The following TNRC18 variants were observed in gnomAD, a reference collection of about 807,000 sequenced individuals.
The protein encoded by TNRC18 is trinucleotide repeat containing 18.
In TNRC18, 69 loss-of-function variants were observed where a neutral mutation model predicts 226.7. That is an observed-to-expected ratio of 0.30 (90% CI 0.25 to 0.37). The LOEUF is 0.37. TNRC18 is among the 10% of genes least tolerant of loss of function. The pLI is 1.00. For synonymous variants in TNRC18, 2,449 were observed against 1,927.6 expected, an observed-to-expected ratio of 1.27 and a Z score of -7.09; for missense variants, 4,754 against 4,256.6, an observed-to-expected ratio of 1.12 and a Z score of -3.25.
chr7:5,413,103 T>G (rs1781944421), intron 2 of TNRC18, among the ~76,000 whole-genome samples: 2 of 152,130 alleles, frequency 1.3e-5, no homozygotes, highest in Non-Finnish European at 2.9e-5. Flanking sequence ...AGACCTGTGC[T>G]GAGAACAGCT....
chr7:5,362,159 G>T, intron 12 of TNRC18, 126 bp from the exon 13 acceptor site: 1 of 1,159,312 alleles, frequency 8.6e-7, no homozygotes, highest in Non-Finnish European at 1.2e-6. Flanking sequence ...GAGTCCCACC[G>T]CTGCCACCTC....
At chr7:5,354,929 A>C (rs1353752994) in intron 16 of TNRC18, among the ~76,000 whole-genome samples, 1 of 152,188 alleles carries the variant, frequency 6.6e-6, no homozygotes, top group African/African-American at 2.4e-5. Context: ...AAACACGGCG[A>C]CTTTTCGCCC....
chr7:5,328,594 C>T (rs762964201), intron 19 of TNRC18, among the ~76,000 whole-genome samples: 1 of 151,782 alleles, frequency 6.6e-6, no homozygotes, highest in Non-Finnish European at 1.5e-5. Context: ...CTGCAACCTC[C>T]GCCTCCTGGG....
intron 2 of TNRC18, among the ~76,000 whole-genome samples, chr7:5,413,698 T>G (rs1208882762): frequency 6.6e-6 from 1 of 152,102 alleles, no homozygotes; most frequent in Non-Finnish European, 1.5e-5. Flanking sequence ...GCCTAACTAG[T>G]TTTTTAAACA....
intron 5 of TNRC18, among the ~76,000 whole-genome samples, chr7:5,382,401 C>A (rs1468479402): frequency 1.3e-5 from 2 of 152,196 alleles, no homozygotes; most frequent in South Asian, 2.1e-4. Flanking sequence ...GCAGCGCTAA[C>A]GACTCCACTC....
In TNRC18 at chr7:5,351,836, T is replaced by C; in HGVS notation, c.5453A>G (p.Glu1818Gly). ...CTAGTAACCTTGGTCAAACGATTCCTCCGAAGAGTCGCTGAAGGAGGAACG... is the reference window on the plus strand; with the variant it reads ...CTAGTAACCTTGGTCAAACGATTCCCCCGAAGAGTCGCTGAAGGAGGAACG... ...EARSSFSDSS[E>G]ESFDQDESSE... The change falls in exon 17 of 30, where the codon GAG (glutamate) becomes GGG (glycine). Residue 1818 changes from glutamate to glycine, a missense_variant. Transcript: ENST00000430969. 4.4e-6 allele frequency: 7 copies of C among 1,599,596 alleles called. No individual in the cohort carries two copies. Among genetic ancestry groups the C allele is most frequent in the Non-Finnish European group, 6.0e-6 (7 of 1,173,878 alleles).
rs761301534 is a variant in TNRC18, at chr7:5,345,577, G to T, written c.5704C>A (p.Arg1902=). The change falls in exon 18 of 30, where the codon CGG becomes AGG. Residue 1902 remains arginine (R), a synonymous_variant. Transcript: ENST00000430969. ...AKQKARKKEE[R]QSLLGTEFEY... The stretch of plus-strand genomic sequence containing the variant: ...TGCCACTTACCCAGCAGGCTCTGCC[G>T]CTCCTCTTTCTTCCGGGCCTTCTGC... 3.2e-6 allele frequency: 4 copies of T among 1,259,422 alleles called. No homozygotes were observed. Among genetic ancestry groups the T allele is most frequent in the Non-Finnish European group, 4.1e-6 (4 of 970,152 alleles). 78.0% of individuals were successfully genotyped at this position (1,259,422 alleles called of 1,614,324 possible). A position where few individuals can be genotyped will look rare whatever the true frequency, so the allele number is the denominator to read the frequency against.
At chr7:5,376,387 G>A (rs1200311023) in intron 8 of TNRC18, among the ~76,000 whole-genome samples, 163 bp from the exon 9 acceptor site, 3 of 152,204 alleles carry the variant, frequency 2.0e-5, no homozygotes, top group African/African-American at 7.2e-5. Flanking sequence ...AGTTTGTCCT[G>A]TCCTCCATGG....
chr7:5,406,457 G>C (rs567051216), intron 2 of TNRC18, among the ~76,000 whole-genome samples: 1 of 151,984 alleles, frequency 6.6e-6, no homozygotes, highest in East Asian at 1.9e-4. Flanking sequence ...GCGAGACTCT[G>C]TCTCAAAAAA....
intron 2 of TNRC18, among the ~76,000 whole-genome samples, chr7:5,407,616 A>G (rs761406873): frequency 2.6e-4 from 39 of 152,212 alleles, no homozygotes; most frequent in Non-Finnish European, 4.3e-4. Flanking sequence ...TCTTGCTCCA[A>G]TCAGGTACCC....
At chr7:5,369,593 G>GT (rs1194482366) in intron 11 of TNRC18, among the ~76,000 whole-genome samples, 5 of 152,114 alleles carry the variant, frequency 3.3e-5, no homozygotes, top group Admixed American at 2.6e-4. Flanking sequence ...AGGAGGGAAG[G>GT]AGACGGGGAC....
chr7:5,354,066 G>C (rs983509853), intron 16 of TNRC18, among the ~76,000 whole-genome samples: 10 of 151,924 alleles, frequency 6.6e-5, no homozygotes, highest in Admixed American at 1.3e-4. Flanking sequence ...AGCTGGGTGT[G>C]GTGGTGCGTG....
chr7:5,322,816 G>A (rs1250413989), intron 21 of TNRC18, among the ~76,000 whole-genome samples: 1 of 152,220 alleles, frequency 6.6e-6, no homozygotes, highest in Non-Finnish European at 1.5e-5. Context: ...AGGGATGGGT[G>A]GGACGGCCGT....
chr7:5,411,277 A>C (rs1480342614), intron 2 of TNRC18, among the ~76,000 whole-genome samples: 2 of 151,966 alleles, frequency 1.3e-5, no homozygotes, highest in African/African-American at 4.8e-5. Flanking sequence ...GTTCATACAC[A>C]AAGATCAGCA....
At chr7:5,376,390 C>T (rs986922328) in intron 8 of TNRC18, among the ~76,000 whole-genome samples, 166 bp from the exon 9 acceptor site, 1 of 152,220 alleles carries the variant, frequency 6.6e-6, no homozygotes, top group African/African-American at 2.4e-5. Flanking sequence ...TTGTCCTGTC[C>T]TCCATGGGCC....
rs1786914510 is a variant in TNRC18 at position 5,309,030 on chromosome 7, C to T, written c.8626-81G>A. 6.6e-7 allele frequency: 1 copy of T among 1,516,194 alleles called. No individual in the cohort carries two copies. Among genetic ancestry groups the T allele is most frequent in the South Asian group, 1.2e-5 (1 of 83,806 alleles). The allele number at this position is 1,516,194 out of a possible 1,614,324, so 93.9% of individuals were successfully genotyped here. ...CCCAGGCCCCAGGACAGGGCTGACC[C>T]ACTGGGCAGGGCTGCTGATGCTCCA... On this transcript the variant is annotated intron_variant, in intron 28 of 29. Coordinates refer to ENST00000430969, the MANE Select transcript of TNRC18 (RefSeq NM_001080495.3). This position sits in a 1 kb window ranked among gnomAD's most constrained non-coding sequence, Gnocchi z 5.7.
chr7:5,333,046 G>A lies in TNRC18; in HGVS notation c.5723C>T (p.Thr1908Ile). 1 of 1,572,790 alleles carries A rather than the reference G, an allele frequency of 6.4e-7. No individual in the cohort carries two copies. The highest frequency in any genetic ancestry group is 8.6e-7 in the Non-Finnish European group (1 of 1,167,412). Residue 1908 changes from threonine to isoleucine, a missense_variant, in exon 19 of 30, where the codon ACA becomes ATA. Thr to Ile is a moderately conservative substitution (Grantham distance 89). Coordinates refer to ENST00000430969, the MANE Select transcript of TNRC18 (RefSeq NM_001080495.3). ...KKEERQSLLGTEFEYTDSESE... is the reference protein window; with the variant it reads ...KKEERQSLLGIEFEYTDSESE... The stretch of plus-strand genomic sequence containing the variant: ...CTCTGAGTCGGTGTACTCGAACTCT[G>A]TGCCTGAACGCGGGAGGAGGGCGTG...
At position 5,361,588 on chromosome 7, in the gene TNRC18, C is replaced by T. The variant is rs1370369159; in HGVS notation, c.4661+6G>A. On this transcript the variant is annotated splice_donor_region_variant and intron_variant, in intron 14 of 29. Transcript: ENST00000430969. ...AGTCCCCGACCCACCGAGGGGCCAG[C>T]CTTACTTTCCGCTACTGTGGCCGCT... 4 of 1,512,770 alleles carry T rather than the reference C, an allele frequency of 2.6e-6. No homozygotes were observed. The highest frequency in any genetic ancestry group is 2.1e-5 in the Admixed American group (1 of 47,526). The allele number at this position is 1,512,770 out of a possible 1,614,324, so 93.7% of individuals were successfully genotyped here.
intron 19 of TNRC18, among the ~76,000 whole-genome samples, chr7:5,327,237 C>T (rs1251142177): frequency 6.6e-6 from 1 of 152,120 alleles, no homozygotes; most frequent in Non-Finnish European, 1.5e-5. Context: ...CAACAGAAGT[C>T]ACAGCGTCCA....
Sources: allele counts gnomAD v4.1 joint callset (sites outside exome capture counted in the v4.1 genomes callset), GRCh38; gene constraint gnomAD v4.1.1; non-coding constraint Gnocchi (gnomAD v3.1); transcripts MANE v1.5; gene names NCBI Gene and HGNC (gene_info 2026-07-23, HGNC 2026-07-21).